Variants in CNTNAP2 observed in about 807,000 individuals in gnomAD.
CNTNAP2 encodes contactin-associated protein-like 2.
In CNTNAP2, 98 loss-of-function variants were observed where a neutral mutation model predicts 155.2. The ratio of observed to expected loss-of-function variants is 0.63; its 90% CI spans 0.54 to 0.75. The LOEUF is 0.75. Among genes scored for constraint, CNTNAP2 ranks in the 30% least tolerant of loss-of-function variants. CNTNAP2 has a pLI of 0.00. For synonymous variants in CNTNAP2, 651 were observed against 631.2 expected, an observed-to-expected ratio of 1.03 and a Z score of -0.47; for missense variants, 1,727 against 1,688.1, an observed-to-expected ratio of 1.02 and a Z score of -0.40.
chr7:147,175,941 G>A (rs1802329343), intron 8 of CNTNAP2, among the ~76,000 whole-genome samples: 2 of 152,104 alleles, frequency 1.3e-5, no homozygotes, highest in South Asian at 4.1e-4. Flanking sequence ...ATGAACAACT[G>A]GACCAATGAT....
In CNTNAP2 at chr7:146,463,733, T is replaced by G. The variant is rs140992041; in HGVS notation, c.98-310538T>G. ...ATATGTGTATATGTGTGTATATATATAGAGTAACTTAAAATATTTTGACAA... is the reference window on the plus strand; with the variant it reads ...ATATGTGTATATGTGTGTATATATAGAGAGTAACTTAAAATATTTTGACAA... On this transcript the variant is annotated intron_variant, in intron 1 of 23. Transcript: ENST00000361727. Among the ~76,000 whole-genome samples the G allele has an allele frequency of 2.3e-3, 344 of 152,238 alleles. 2 individuals carry two copies. Among genetic ancestry groups the G allele is most frequent in the East Asian group, 7.7e-3 (40 of 5,186 alleles).
intron 18 of CNTNAP2, 78 bp downstream of exon 18, chr7:148,172,556 T>C (rs1794841481): frequency 3.3e-6 from 4 of 1,225,476 alleles, no homozygotes; most frequent in Non-Finnish European, 4.8e-6. Context: ...ATTTTTCATA[T>C]GTAAACAAGT....
intron 23 of CNTNAP2, 137 bp from the exon 24 acceptor site, chr7:148,415,280 T>C: frequency 1.1e-6 from 1 of 892,788 alleles, no homozygotes. Flanking sequence ...ACTTCATTTT[T>C]GTTATCTTTG....
intron 3 of CNTNAP2, among the ~76,000 whole-genome samples, chr7:146,919,266 GC>G (rs1796452191): frequency 6.6e-6 from 1 of 152,110 alleles, no homozygotes; most frequent in Non-Finnish European, 1.5e-5. Context: ...ACTTGTTTTT[GC>G]CATATTACCA....
rs558995605 is a variant in CNTNAP2, at chr7:147,149,131, G to A, written c.1348+16622G>A. 9.2e-5 allele frequency among the ~76,000 whole-genome samples: 14 copies of A among 152,294 alleles called. No individual in the cohort carries two copies. In the South Asian group the frequency reaches 2.7e-3, roughly 29 times the overall value. On this transcript the variant is annotated intron_variant, in intron 8 of 23. Transcript: ENST00000361727. ...TGCTGATTAGTCCATTTTACAGAGA[G>A]CTGATTGGTCCATTTTATAGAGTGC...
chr7:147,984,003 C>T (rs1418658378), intron 15 of CNTNAP2, among the ~76,000 whole-genome samples: 1 of 152,162 alleles, frequency 6.6e-6, no homozygotes, highest in African/African-American at 2.4e-5. Context: ...AACTGCTTAG[C>T]AGGGTCATTT....
At position 147,794,241 on chromosome 7, in the gene CNTNAP2, G is replaced by C. The variant is rs1797859289; in HGVS notation, c.2099-109324G>C. On this transcript the variant is annotated intron_variant, in intron 13 of 23. Transcript: ENST00000361727. ...TCCTTGTCTTGTTCCTGATTTTAGG[G>C]GGAAGGTATTCAGTCTTTCACCATT... 2.6e-5 allele frequency among the ~76,000 whole-genome samples: 4 copies of C among 151,966 alleles called. No individual in the cohort carries two copies. The South Asian group carries it at 6.2e-4, about 24-fold the overall frequency.
chr7:147,644,303 C>G (rs1795330318), intron 13 of CNTNAP2, among the ~76,000 whole-genome samples: 1 of 152,104 alleles, frequency 6.6e-6, no homozygotes, highest in African/African-American at 2.4e-5. Context: ...ACAGTGAAAT[C>G]TACTTCTCAA....
rs534824835 is a variant in CNTNAP2, at chr7:146,402,145, C to T, written c.97+285172C>T. On this transcript the variant is annotated intron_variant, in intron 1 of 23. Coordinates refer to ENST00000361727, the MANE Select transcript of CNTNAP2 (RefSeq NM_014141.6). ...ATACAATTTACATTGCGCAACTGTA[C>T]CACTTATATTCTTAATAGATGAGTG... Among the ~76,000 whole-genome samples the T allele has an allele frequency of 1.6e-3, 246 of 152,162 alleles. 1 individual carries two copies. The highest frequency in any genetic ancestry group is 5.2e-3 in the African/African-American group (215 of 41,544).
intron 8 of CNTNAP2, among the ~76,000 whole-genome samples, chr7:147,201,259 A>G (rs1441282497): frequency 6.6e-6 from 1 of 152,190 alleles, no homozygotes; most frequent in Admixed American, 6.6e-5. Context: ...GAAATACTGA[A>G]CAATTTCTTT....
intron 12 of CNTNAP2, 112 bp downstream of exon 12, chr7:147,562,369 C>A: frequency 7.6e-7 from 1 of 1,322,108 alleles, no homozygotes; most frequent in Non-Finnish European, 1.1e-6. Flanking sequence ...AACATCTAAT[C>A]AGCAACATAT....
At chr7:147,647,735 G>A (rs1408994828) in intron 13 of CNTNAP2, among the ~76,000 whole-genome samples, 1 of 152,016 alleles carries the variant, frequency 6.6e-6, no homozygotes. Flanking sequence ...TTTTAAAAGG[G>A]GACTAAAGAA....
At chr7:146,213,219 C>G (rs1171523685) in intron 1 of CNTNAP2, among the ~76,000 whole-genome samples, 2 of 152,060 alleles carry the variant, frequency 1.3e-5, no homozygotes, top group Non-Finnish European at 2.9e-5. Context: ...ATGTCCAATT[C>G]TGTTGGCAAA....
chr7:147,015,055 C>T (rs1002746710), intron 3 of CNTNAP2, among the ~76,000 whole-genome samples: 5 of 150,280 alleles, frequency 3.3e-5, no homozygotes, highest in African/African-American at 1.2e-4. Flanking sequence ...TTTAATTGTG[C>T]TCAATGAATG....
chr7:146,647,254 A>C (rs778652450), intron 1 of CNTNAP2, among the ~76,000 whole-genome samples: 1 of 152,150 alleles, frequency 6.6e-6, no homozygotes, highest in Non-Finnish European at 1.5e-5. Context: ...TCTGGACTTT[A>C]TCTCGAGCTC....
intron 1 of CNTNAP2, among the ~76,000 whole-genome samples, chr7:146,216,304 G>C (rs922870735): frequency 6.6e-6 from 1 of 152,260 alleles, no homozygotes; most frequent in African/African-American, 2.4e-5. Flanking sequence ...AACAATCAGC[G>C]TCTGCCAGAA....
chr7:147,820,066 G>A (rs1267659159), intron 13 of CNTNAP2, among the ~76,000 whole-genome samples: 4 of 152,176 alleles, frequency 2.6e-5, no homozygotes, highest in African/African-American at 9.6e-5. Context: ...AAATTTATAA[G>A]AATCTGATAA....
intron 4 of CNTNAP2, among the ~76,000 whole-genome samples, chr7:147,062,167 A>AAAAAC (rs1563062236): frequency 1.4e-5 from 2 of 139,266 alleles, no homozygotes; most frequent in African/African-American, 5.4e-5. Context: ...AAAAAAAAAA[A>AAAAAC]AAACCAGTTC....
chr7:147,951,911 A>G (rs1231186696), intron 14 of CNTNAP2, among the ~76,000 whole-genome samples: 2 of 151,966 alleles, frequency 1.3e-5, no homozygotes, highest in African/African-American at 2.4e-5. Flanking sequence ...CATTCTGCAC[A>G]TGTATCCCGG....
Sources: gnomAD v4.1 joint callset for allele counts (sites outside exome capture counted in the v4.1 genomes callset) on GRCh38, gnomAD v4.1.1 for gene constraint, MANE v1.5 for transcripts, NCBI Gene and HGNC (gene_info 2026-07-23, HGNC 2026-07-21) for gene names.